Variants in PCCA observed in about 807,000 individuals in gnomAD.
PCCA encodes propionyl-CoA carboxylase alpha chain, mitochondrial.
A neutral mutation model predicts 101.3 loss-of-function variants in PCCA; 74 were observed. The observed-to-expected ratio is 0.73, with a 90% confidence interval of 0.61 to 0.89. The LOEUF (loss-of-function observed/expected upper bound fraction) is 0.89, where lower values mean the gene tolerates loss of function less well. Ranked by LOEUF, PCCA falls within the 40% of genes least tolerant of loss-of-function variation. The pLI, the probability that PCCA is intolerant of heterozygous loss-of-function variation, is 0.00. For missense variants in PCCA, 891 were observed against 907.0 expected (o/e 0.98, Z 0.23); for synonymous variants, 294 against 313.6 (o/e 0.94, Z 0.66).
chr13:100,199,468 T>C (rs538885467), intron 6 of PCCA, among the ~76,000 whole-genome samples: 6 of 152,204 alleles, frequency 3.9e-5, no homozygotes, highest in Non-Finnish European at 7.4e-5. Flanking sequence ...ACTTACAGAG[T>C]CTTACCCCAG....
At chr13:100,309,789 C>T in intron 15 of PCCA, 44 bp from the exon 16 acceptor site, 1 of 1,215,428 alleles carries the variant, frequency 8.2e-7, no homozygotes, top group East Asian at 2.5e-5. Flanking sequence ...TAACATAGTT[C>T]TAAATATATA....
intron 20 of PCCA, among the ~76,000 whole-genome samples, chr13:100,440,060 G>A (rs1462249094): frequency 6.7e-6 from 1 of 150,234 alleles, no homozygotes; most frequent in African/African-American, 2.4e-5. Context: ...CTATGTTAAA[G>A]CAGACAAATT....
chr13:100,255,769 G>A (rs1169191452), intron 8 of PCCA, among the ~76,000 whole-genome samples: 1 of 152,144 alleles, frequency 6.6e-6, no homozygotes, highest in Non-Finnish European at 1.5e-5. Context: ...TTCTCATGCA[G>A]GATTAAAACT....
At position 100,260,379 on chromosome 13, in the gene PCCA, T is replaced by TTGTG. The variant is rs138371283; in HGVS notation, c.717-2334_717-2331dup. ...TGTTGTACAAAAACAAGCAAATTAG[T>TTGTG]TGTGTGTGTGTGTGTGTGTTTTTTT... On this transcript the variant is annotated intron_variant, in intron 9 of 23. Transcript: ENST00000376285. Among the ~76,000 whole-genome samples the TTGTG allele has an allele frequency of 2.4e-4, 33 of 135,496 alleles. 1 individual carries two copies. Among genetic ancestry groups the TTGTG allele is most frequent in the African/African-American group, 6.8e-4 (25 of 36,556 alleles). 88.9% of individuals were successfully genotyped at this position (135,496 alleles called of 152,430 possible).
chr13:100,509,389 C>T (rs2086311497), intron 21 of PCCA, among the ~76,000 whole-genome samples: 1 of 152,204 alleles, frequency 6.6e-6, no homozygotes, highest in African/African-American at 2.4e-5. Flanking sequence ...GACACATGTA[C>T]TTGATGATGA....
chr13:100,097,435 A>G (rs765143878), intron 1 of PCCA, among the ~76,000 whole-genome samples: 1 of 151,628 alleles, frequency 6.6e-6, no homozygotes, highest in Admixed American at 6.6e-5. Flanking sequence ...AAATAAAAGA[A>G]TGGTCCGGGT....
intron 1 of PCCA, among the ~76,000 whole-genome samples, chr13:100,090,234 C>T (rs548917532): frequency 2.0e-3 from 306 of 152,364 alleles, no homozygotes; most frequent in South Asian, 0.014. Context: ...CCCAGGTGGG[C>T]AGTATGAGAG....
intron 2 of PCCA, among the ~76,000 whole-genome samples, chr13:100,103,396 A>G (rs756631653): frequency 3.5e-5 from 5 of 141,090 alleles, no homozygotes; most frequent in Non-Finnish European, 6.1e-5. Context: ...ACTGCAACCT[A>G]CGCCTCTGGG....
At chr13:100,200,583 G>A (rs1368256082) in intron 6 of PCCA, among the ~76,000 whole-genome samples, 3 of 150,538 alleles carry the variant, frequency 2.0e-5, no homozygotes, top group Non-Finnish European at 1.5e-5. Flanking sequence ...TAACATATAC[G>A]TTTTATGTTA....
intron 4 of PCCA, among the ~76,000 whole-genome samples, chr13:100,137,923 C>T (rs1340821691): frequency 6.6e-6 from 1 of 151,898 alleles, no homozygotes; most frequent in East Asian, 1.9e-4. Context: ...GATCCTTTCA[C>T]CTCAGCCTCC....
chr13:100,098,805 A>G (rs1415683070), intron 1 of PCCA, among the ~76,000 whole-genome samples: 1 of 152,174 alleles, frequency 6.6e-6, no homozygotes, highest in African/African-American at 2.4e-5. Flanking sequence ...TAGGTGTTCA[A>G]CTTGGCTTTT....
At chr13:100,426,128 G>A (rs1203043243) in intron 20 of PCCA, among the ~76,000 whole-genome samples, 2 of 151,902 alleles carry the variant, frequency 1.3e-5, no homozygotes, top group Non-Finnish European at 2.9e-5. Flanking sequence ...GTGTTATTCA[G>A]GTTGACTTTC....
chr13:100,425,946 G>T (rs2079115936), intron 20 of PCCA, among the ~76,000 whole-genome samples: 1 of 151,216 alleles, frequency 6.6e-6, no homozygotes, highest in Admixed American at 6.6e-5. Context: ...ATCCAAGAAG[G>T]TTCATGTATT....
At chr13:100,151,124 CG>C in intron 4 of PCCA, 1 of 1,111,982 alleles carries the variant, frequency 9.0e-7, no homozygotes, top group Non-Finnish European at 1.3e-6. Flanking sequence ...TGCTGCCAGA[CG>C]GAAGAAAAGA....
chr13:100,367,333 G>A (rs897063839), intron 18 of PCCA, among the ~76,000 whole-genome samples: 2 of 151,992 alleles, frequency 1.3e-5, no homozygotes, highest in Non-Finnish European at 2.9e-5. Flanking sequence ...CTTTCTGGGG[G>A]GTTTTAGGTG....
intron 19 of PCCA, among the ~76,000 whole-genome samples, chr13:100,389,407 G>A (rs1157744778): frequency 2.6e-5 from 4 of 152,122 alleles, no homozygotes; most frequent in African/African-American, 4.8e-5. Flanking sequence ...ACCAAATGCC[G>A]CATGTTCACA....
intron 23 of PCCA, among the ~76,000 whole-genome samples, chr13:100,529,436 A>G (rs2088176396): frequency 6.6e-6 from 1 of 152,180 alleles, no homozygotes; most frequent in Admixed American, 6.5e-5. Context: ...CCCCACCTCA[A>G]GCCCCTCCTT....
chr13:100,357,566 A>G (rs1310864412), intron 18 of PCCA, among the ~76,000 whole-genome samples: 1 of 152,208 alleles, frequency 6.6e-6, no homozygotes, highest in Non-Finnish European at 1.5e-5. Flanking sequence ...AGTTCCTACA[A>G]TGGCAGTGTA....
intron 5 of PCCA, 52 bp downstream of exon 5, chr13:100,155,144 A>T (rs1365095272): frequency 8.6e-7 from 1 of 1,168,468 alleles, no homozygotes; most frequent in Non-Finnish European, 1.3e-6. Context: ...TAGTGAGCAG[A>T]AAGCTAGAGT....
Sources: gnomAD v4.1 joint callset for allele counts (sites outside exome capture counted in the v4.1 genomes callset) on GRCh38, gnomAD v4.1.1 for gene constraint, MANE v1.5 for transcripts, NCBI Gene and HGNC (gene_info 2026-07-23, HGNC 2026-07-21) for gene names.